The following TBC1D31 variants were observed in gnomAD, a reference collection of about 807,000 sequenced individuals.
The protein encoded by TBC1D31 is WD repeat domain 67.
TBC1D31 carries 99 observed loss-of-function variants against 132.9 expected under a neutral mutation model. That is an observed-to-expected ratio of 0.74 (90% CI 0.63 to 0.88). The LOEUF is 0.88. Among genes scored for constraint, TBC1D31 ranks in the 40% least tolerant of loss-of-function variants. TBC1D31 has a pLI of 0.00. For missense variants in TBC1D31, 1,134 were observed against 1,256.6 expected (o/e 0.90, Z 1.48); for synonymous variants, 385 against 419.4 (o/e 0.92, Z 1.00).
the TBC1D31 span, among the ~76,000 whole-genome samples, chr8:123,163,458 C>A: frequency 3.3e-5 from 5 of 150,964 alleles, no homozygotes; most frequent in Non-Finnish European, 7.4e-5. Context: ...TCCACCTCCC[C>A]AGCCTTAGTG....
intron 5 of TBC1D31, among the ~76,000 whole-genome samples, chr8:123,094,278 G>T (rs1816633935): frequency 6.6e-6 from 1 of 151,934 alleles, no homozygotes; most frequent in African/African-American, 2.4e-5. Flanking sequence ...TGGTCAGGCT[G>T]GTCTCGAACT....
At chr8:123,076,680 C>T (rs896916647) in intron 1 of TBC1D31, among the ~76,000 whole-genome samples, 1 of 152,124 alleles carries the variant, frequency 6.6e-6, no homozygotes, top group African/African-American at 2.4e-5. Flanking sequence ...AACTCATGCA[C>T]GCGTAATTCA....
intron 11 of TBC1D31, among the ~76,000 whole-genome samples, chr8:123,125,199 A>T (rs917957020): frequency 3.8e-4 from 58 of 152,314 alleles, no homozygotes; most frequent in African/African-American, 1.3e-3. Flanking sequence ...ATTTAAAATT[A>T]AAAAAATTTT....
intron 10 of TBC1D31, among the ~76,000 whole-genome samples, chr8:123,116,765 A>C (rs964159659): frequency 2.6e-5 from 4 of 152,224 alleles, no homozygotes; most frequent in Admixed American, 6.5e-5. Flanking sequence ...TCAACCTAAA[A>C]GTTTCCAGTG....
chr8:123,120,964 T>C (rs1819418988), intron 11 of TBC1D31, among the ~76,000 whole-genome samples: 1 of 109,688 alleles, frequency 9.1e-6, no homozygotes, highest in Admixed American at 1.1e-4. Context: ...TTTTAACCTC[T>C]TTTTTTTTTT....
chr8:123,110,935 A>G (rs1184274036), intron 10 of TBC1D31, among the ~76,000 whole-genome samples: 2 of 152,002 alleles, frequency 1.3e-5, no homozygotes, highest in African/African-American at 4.8e-5. Context: ...TTTTCTTACA[A>G]TTTATTTGTT....
chr8:123,152,400 C>T (rs879477746), downstream of TBC1D31, among the ~76,000 whole-genome samples: 8 of 152,134 alleles, frequency 5.3e-5, no homozygotes, highest in South Asian at 2.1e-4. Flanking sequence ...GGGACCCCAC[C>T]GGACTTGTAA....
At chr8:123,107,722 G>A (rs1291088979) in intron 8 of TBC1D31, among the ~76,000 whole-genome samples, 1 of 152,058 alleles carries the variant, frequency 6.6e-6, no homozygotes, top group East Asian at 1.9e-4. Context: ...TGGATCCAAT[G>A]TGGATATCCT....
chr8:123,124,842 C>G (rs1819873080), intron 11 of TBC1D31, among the ~76,000 whole-genome samples: 1 of 146,732 alleles, frequency 6.8e-6, no homozygotes, highest in South Asian at 2.1e-4. Flanking sequence ...GAGGCTGAGA[C>G]AAGATAATCA....
chr8:123,109,746 AT>A (rs1818275988), intron 10 of TBC1D31, 126 bp downstream of exon 10: 8 of 880,884 alleles, frequency 9.1e-6, no homozygotes, highest in Non-Finnish European at 1.2e-5. Flanking sequence ...TGTTGGTTTA[AT>A]TTTAAAAATG....
At chr8:123,082,921 C>A in intron 3 of TBC1D31, 104 bp downstream of exon 3, 1 of 716,252 alleles carries the variant, frequency 1.4e-6, no homozygotes, top group Non-Finnish European at 2.3e-6. Context: ...GTCCCCATGA[C>A]AGCCCTCCCT....
At chr8:123,120,289 T>C (rs567133429) in intron 11 of TBC1D31, 101 bp downstream of exon 11, 5 of 931,128 alleles carry the variant, frequency 5.4e-6, no homozygotes, top group South Asian at 4.0e-5. Flanking sequence ...TAGATGTCTC[T>C]ACTTTTAAGT....
At chr8:123,093,902 A>G (rs1816596980) in intron 5 of TBC1D31, among the ~76,000 whole-genome samples, 160 bp downstream of exon 5, 1 of 152,166 alleles carries the variant, frequency 6.6e-6, no homozygotes, top group Non-Finnish European at 1.5e-5. Context: ...ATTTTGCAAA[A>G]TATCAAATAT....
At chr8:123,115,433 G>A (rs938894677) in intron 10 of TBC1D31, among the ~76,000 whole-genome samples, 2 of 152,176 alleles carry the variant, frequency 1.3e-5, no homozygotes, top group African/African-American at 4.8e-5. Context: ...GTTGTTCTGA[G>A]TATTGTATCG....
At chr8:123,148,935 T>A (rs1586749085) in intron 20 of TBC1D31, among the ~76,000 whole-genome samples, 1 of 151,952 alleles carries the variant, frequency 6.6e-6, no homozygotes, top group African/African-American at 2.4e-5. Flanking sequence ...TAATCCCAGC[T>A]ACTCCAGAGA....
rs766614606 is a variant in TBC1D31, at chr8:123,126,579, C to T, written c.1776C>T (p.Phe592=). ...CAAGAGAGGAGTGGCTGAAATTGTT[C>T]GATAATATCTTTTCCAACCATCCTT... ...VLTREEWLKL[F]DNIFSNHPSF... Residue 592 remains phenylalanine, a synonymous_variant, in exon 13 of 22, where the codon TTC becomes TTT. Transcript: ENST00000287380. 1.7e-5 allele frequency: 28 copies of T among 1,613,800 alleles called. No individual in the cohort carries two copies. In the East Asian group the frequency reaches 4.7e-4, roughly 27 times the overall value.
the TBC1D31 span, among the ~76,000 whole-genome samples, chr8:123,164,138 G>C: frequency 6.6e-6 from 1 of 152,154 alleles, no homozygotes; most frequent in Non-Finnish European, 1.5e-5. Context: ...GTATCAGCTG[G>C]GTTCAGCTCC....
chr8:123,144,788 T>C lies in TBC1D31; in HGVS notation c.2907T>C (p.Ser969=). Residue 969 remains serine (S), a synonymous_variant, in exon 20 of 22, where the codon TCT becomes TCC. Coordinates refer to ENST00000287380, the MANE Select transcript of TBC1D31 (RefSeq NM_145647.4). ...AAGCTTCTGCTCTTTCAGATGCGTCTAGAAAGTGGTTTTTAAAGCAAGAGA... is the reference window on the plus strand; with the variant it reads ...AAGCTTCTGCTCTTTCAGATGCGTCCAGAAAGTGGTTTTTAAAGCAAGAGA... ...AKKASALSDA[S]RKWFLKQEIN... 6.2e-7 allele frequency: 1 copy of C among 1,613,848 alleles called. No individual in the cohort carries two copies. The highest frequency in any genetic ancestry group is 8.5e-7 in the Non-Finnish European group (1 of 1,179,918).
rs556587328 is a variant in TBC1D31, at chr8:123,150,341, A to G, written c.3067+213A>G. On this transcript the variant is annotated intron_variant, in intron 21 of 21. Coordinates refer to ENST00000287380, the MANE Select transcript of TBC1D31 (RefSeq NM_145647.4). ...AATTCCAAGTAAAGAAAATGTGCTG[A>G]ATCCACTAAAGCCACTCCAGTTCTT... Among the ~76,000 whole-genome samples the G allele has an allele frequency of 4.6e-5, 7 of 152,356 alleles. No homozygotes were observed. In the East Asian group the frequency reaches 1.3e-3, roughly 29 times the overall value.
Sources: allele counts gnomAD v4.1 joint callset (sites outside exome capture counted in the v4.1 genomes callset), GRCh38; gene constraint gnomAD v4.1.1; transcripts MANE v1.5; gene names NCBI Gene and HGNC (gene_info 2026-07-23, HGNC 2026-07-21).